RANBP17: variants seen among roughly 807,000 people sequenced by gnomAD.
RANBP17 encodes the protein RAN binding protein 17.
RANBP17 carries 158 observed loss-of-function variants against 141.2 expected under a neutral mutation model. That is an observed-to-expected ratio of 1.12 (90% CI 0.98 to 1.28). The LOEUF (loss-of-function observed/expected upper bound fraction) is 1.28, where lower values mean the gene tolerates loss of function less well. Among genes scored for constraint, RANBP17 ranks in the 50% most tolerant of loss-of-function variants. The pLI is 0.00. For missense variants in RANBP17, 1,438 were observed against 1,290.7 expected (o/e 1.11, Z -1.75); for synonymous variants, 430 against 450.0 (o/e 0.96, Z 0.56).
At chr5:170,971,751 C>T (rs1777007210) in intron 14 of RANBP17, among the ~76,000 whole-genome samples, 1 of 152,022 alleles carries the variant, frequency 6.6e-6, no homozygotes, top group Admixed American at 6.5e-5. Context: ...TTCTTCTGCC[C>T]CTTTCTTTTT....
chr5:171,045,447 C>G (rs1782520180), intron 14 of RANBP17, among the ~76,000 whole-genome samples: 1 of 152,004 alleles, frequency 6.6e-6, no homozygotes, highest in Non-Finnish European at 1.5e-5. Flanking sequence ...TCTTCATGCC[C>G]TATCTAGAGA....
chr5:170,910,852 A>T, intron 6 of RANBP17, 117 bp from the exon 7 acceptor site: 1 of 1,012,994 alleles, frequency 9.9e-7, no homozygotes, highest in Non-Finnish European at 1.4e-6. Flanking sequence ...GGAACAGTAT[A>T]ACTTTGTAAA....
chr5:171,175,768 A>G (rs1373835845), intron 16 of RANBP17, among the ~76,000 whole-genome samples: 3 of 151,976 alleles, frequency 2.0e-5, no homozygotes, highest in Non-Finnish European at 4.4e-5. Flanking sequence ...ACTCTATAAG[A>G]GAGTTCCACA....
intron 3 of RANBP17, among the ~76,000 whole-genome samples, chr5:170,890,525 G>A (rs1441847037): frequency 6.6e-6 from 1 of 152,052 alleles, no homozygotes. Context: ...TATCAAGAAT[G>A]CTTGTTGCAT....
Position 171,059,206 on chromosome 5 carries a change from G to A in RANBP17, c.1710+90829G>A, listed in dbSNP as rs887594956. ...GTCAATTTTTGCTTTTGTTGCCATT[G>A]CTTTTGGTGTTTTAGACATGAAGTC... On this transcript the variant is annotated intron_variant, in intron 14 of 27. Transcript: ENST00000523189. Among the ~76,000 whole-genome samples the A allele has an allele frequency of 2.5e-3, 386 of 152,118 alleles. 2 individuals are homozygous for A. Among genetic ancestry groups the A allele is most frequent in the African/African-American group, 8.6e-3 (359 of 41,528 alleles).
chr5:171,006,743 TAA>T (rs59337087), intron 14 of RANBP17, among the ~76,000 whole-genome samples: 2 of 142,932 alleles, frequency 1.4e-5, no homozygotes, highest in Non-Finnish European at 1.5e-5. Flanking sequence ...CTTAAAGTAT[TAA>T]AAAAAAAAAA....
chr5:171,294,125 A>G (rs911094713), intron 26 of RANBP17, 144 bp downstream of exon 26: 23 of 655,434 alleles, frequency 3.5e-5, no homozygotes, highest in Admixed American at 2.7e-4. Flanking sequence ...GTGAGGCTGT[A>G]TTCCCCTACA....
chr5:171,169,140 C>A (rs1759923250), intron 14 of RANBP17, among the ~76,000 whole-genome samples: 1 of 152,066 alleles, frequency 6.6e-6, no homozygotes, highest in African/African-American at 2.4e-5. Flanking sequence ...CCCTGTGATA[C>A]CTTCATGACC....
chr5:170,911,453 C>G, intron 7 of RANBP17: 1 of 655,050 alleles, frequency 1.5e-6, no homozygotes, highest in Admixed American at 2.1e-5. Flanking sequence ...GGACAGGATC[C>G]CACTCTGTTT....
rs115971504 is a variant in RANBP17, at chr5:170,963,959, G to A, written c.1575-4283G>A. ...GAAAAAAAATCAGGAAAGGATATGA[G>A]CAAACGGGTCACAGAAAATGACATG... On this transcript the variant is annotated intron_variant, in intron 13 of 27. Transcript: ENST00000523189. Among the ~76,000 whole-genome samples the A allele has an allele frequency of 4.7e-3, 720 of 152,156 alleles. 4 individuals are homozygous for A. Among genetic ancestry groups the A allele is most frequent in the African/African-American group, 0.017 (698 of 41,518 alleles).
chr5:171,078,778 A>T (rs1785091286), intron 14 of RANBP17, among the ~76,000 whole-genome samples: 1 of 152,224 alleles, frequency 6.6e-6, no homozygotes, highest in African/African-American at 2.4e-5. Context: ...TGGTAAGAAA[A>T]AAAGATTAAT....
At chr5:171,292,924 T>C (rs985884582) in intron 25 of RANBP17, among the ~76,000 whole-genome samples, 8 of 152,160 alleles carry the variant, frequency 5.3e-5, no homozygotes, top group African/African-American at 1.9e-4. Flanking sequence ...GAAATCCAGA[T>C]TCCTCAGCAG....
At chr5:171,025,962 T>G (rs77445076) in intron 14 of RANBP17, among the ~76,000 whole-genome samples, 4,015 of 152,240 alleles carry the variant, frequency 0.026, 161 homozygotes, top group African/African-American at 0.09. Context: ...TTTGTCTTCC[T>G]CACAAAACTG....
At chr5:171,191,293 T>C (rs1302752145) in intron 18 of RANBP17, among the ~76,000 whole-genome samples, 3 of 152,162 alleles carry the variant, frequency 2.0e-5, no homozygotes, top group Admixed American at 6.5e-5. Context: ...AACATTTGTT[T>C]AAAAATATAT....
chr5:171,273,632 CA>C (rs1343004307), intron 25 of RANBP17, among the ~76,000 whole-genome samples: 1 of 152,100 alleles, frequency 6.6e-6, no homozygotes, highest in African/African-American at 2.4e-5. Context: ...AATTAAAAAA[CA>C]AAAAATTGAA....
chr5:171,194,804 A>G (rs1054961849), intron 18 of RANBP17, among the ~76,000 whole-genome samples: 12 of 152,226 alleles, frequency 7.9e-5, no homozygotes, highest in East Asian at 1.9e-4. Flanking sequence ...ACTACACCAT[A>G]TTAACAATGG....
intron 27 of RANBP17, 98 bp downstream of exon 27, chr5:171,296,112 C>T: frequency 8.2e-7 from 1 of 1,225,028 alleles, no homozygotes; most frequent in Non-Finnish European, 1.2e-6. Context: ...ACATGGATGT[C>T]CCTTTTCTGT....
At chr5:170,926,308 C>T (rs951199865) in intron 12 of RANBP17, among the ~76,000 whole-genome samples, 1 of 152,084 alleles carries the variant, frequency 6.6e-6, no homozygotes, top group African/African-American at 2.4e-5. Flanking sequence ...GACCTAGATT[C>T]TTGCCAGCAG....
At chr5:170,963,058 A>T (rs1285313770) in intron 13 of RANBP17, among the ~76,000 whole-genome samples, 1 of 152,210 alleles carries the variant, frequency 6.6e-6, no homozygotes, top group Non-Finnish European at 1.5e-5. Context: ...ATTTTATGCA[A>T]CCATTAAAAA....
Sources: gnomAD v4.1 joint callset for allele counts (sites outside exome capture counted in the v4.1 genomes callset) on GRCh38, gnomAD v4.1.1 for gene constraint, MANE v1.5 for transcripts, NCBI Gene and HGNC (gene_info 2026-07-23, HGNC 2026-07-21) for gene names.